NELL1: variants seen among roughly 807,000 people sequenced by gnomAD.
The protein encoded by NELL1 is neural EGFL like 1, also known as protein kinase C-binding protein NELL1.
NELL1 carries 76 observed loss-of-function variants against 107.4 expected under a neutral mutation model. That is an observed-to-expected ratio of 0.71 (90% CI 0.59 to 0.86). NELL1 has a LOEUF of 0.86. Ranked by LOEUF, NELL1 falls within the 40% of genes least tolerant of loss-of-function variation. NELL1 has a pLI of 0.00. For synonymous variants in NELL1, 353 were observed against 341.2 expected, an observed-to-expected ratio of 1.03 and a Z score of -0.38; for missense variants, 1,024 against 1,005.5, an observed-to-expected ratio of 1.02 and a Z score of -0.25.
intron 12 of NELL1, among the ~76,000 whole-genome samples, chr11:21,021,426 C>A (rs1021900532): frequency 1.3e-5 from 2 of 152,110 alleles, no homozygotes; most frequent in East Asian, 1.9e-4. Flanking sequence ...TTTCAAGGAA[C>A]TTTGGTTCCC....
chr11:21,246,567 A>G (rs566373263), intron 14 of NELL1, among the ~76,000 whole-genome samples: 1 of 152,310 alleles, frequency 6.6e-6, no homozygotes, highest in African/African-American at 2.4e-5. Flanking sequence ...GGTATAGCTT[A>G]CTACATACCT....
intron 5 of NELL1, among the ~76,000 whole-genome samples, chr11:20,898,364 G>T (rs1849796785): frequency 6.6e-6 from 1 of 151,896 alleles, no homozygotes; most frequent in Admixed American, 6.6e-5. Flanking sequence ...AGGGGGAATT[G>T]AACAATGACA....
chr11:20,722,210 G>A (rs949934435), intron 2 of NELL1, among the ~76,000 whole-genome samples: 3 of 151,890 alleles, frequency 2.0e-5, no homozygotes, highest in East Asian at 3.9e-4. Flanking sequence ...TAGTAGAGAC[G>A]TGATTTTGCT....
intron 13 of NELL1, among the ~76,000 whole-genome samples, chr11:21,117,674 T>G (rs1460901535): frequency 6.6e-6 from 1 of 152,014 alleles, no homozygotes. Context: ...TATTTTTTGC[T>G]TATGCTATTT....
intron 3 of NELL1, among the ~76,000 whole-genome samples, chr11:20,845,789 T>A (rs573680290): frequency 6.6e-6 from 1 of 152,160 alleles, no homozygotes. Context: ...CACCCTTTTT[T>A]TGGGGGGGCC....
At chr11:21,541,187 A>G (rs1856284522) in intron 16 of NELL1, among the ~76,000 whole-genome samples, 2 of 152,118 alleles carry the variant, frequency 1.3e-5, no homozygotes, top group African/African-American at 4.8e-5. Flanking sequence ...TGCTGGAGAC[A>G]CACTCCAAGA....
chr11:21,380,654 T>A (rs1050199660), intron 15 of NELL1, among the ~76,000 whole-genome samples: 1 of 152,008 alleles, frequency 6.6e-6, no homozygotes, highest in African/African-American at 2.4e-5. Context: ...TGAAGCTATT[T>A]CACAACCCTG....
intron 15 of NELL1, among the ~76,000 whole-genome samples, chr11:21,376,758 T>C (rs1440384089): frequency 6.6e-6 from 1 of 152,124 alleles, no homozygotes; most frequent in South Asian, 2.1e-4. Flanking sequence ...CTTGTAGAAG[T>C]ATTTCACCTC....
intron 5 of NELL1, among the ~76,000 whole-genome samples, chr11:20,907,793 A>C (rs1278475409): frequency 6.6e-6 from 1 of 152,180 alleles, no homozygotes; most frequent in Non-Finnish European, 1.5e-5. Context: ...AGTGGGAGAA[A>C]ATTTTTGCAG....
chr11:21,210,872 GTCT>G (rs1857483656), intron 13 of NELL1, among the ~76,000 whole-genome samples: 1 of 152,072 alleles, frequency 6.6e-6, no homozygotes, highest in African/African-American at 2.4e-5. Flanking sequence ...TTTCTGGGGG[GTCT>G]TAGTTCTTCT....
intron 14 of NELL1, chr11:21,284,598 G>A (rs1255861361): frequency 2.3e-6 from 1 of 441,622 alleles, no homozygotes; most frequent in Non-Finnish European, 4.6e-6. Flanking sequence ...TGATGTCATG[G>A]TAATGCTCAG....
chr11:20,731,911 C>T (rs1590242007), intron 2 of NELL1, among the ~76,000 whole-genome samples: 2 of 152,090 alleles, frequency 1.3e-5, no homozygotes, highest in Admixed American at 1.3e-4. Context: ...TTGGCTTTGT[C>T]CTCAGCTGTC....
At chr11:20,958,918 C>T (rs996732279) in intron 11 of NELL1, among the ~76,000 whole-genome samples, 4 of 152,128 alleles carry the variant, frequency 2.6e-5, no homozygotes, top group African/African-American at 7.2e-5. Context: ...CGGTTCCAGA[C>T]TATGGCCATT....
In NELL1 at chr11:21,234,760, G is replaced by A. The variant is rs551154844; in HGVS notation, c.1549+5306G>A. On this transcript the variant is annotated intron_variant, in intron 14 of 19. Coordinates refer to ENST00000357134, the MANE Select transcript of NELL1 (RefSeq NM_006157.5). ...ACTGTGTACAAGGAAAACACAGAAA[G>A]CCAGAAGCAGAAGGCCAGAGGTTTG... 1.0e-3 allele frequency among the ~76,000 whole-genome samples: 159 copies of A among 152,278 alleles called. 1 individual carries two copies. Among genetic ancestry groups the A allele is most frequent in the African/African-American group, 3.5e-3 (144 of 41,566 alleles).
intron 12 of NELL1, among the ~76,000 whole-genome samples, chr11:21,103,530 T>A (rs1289031247): frequency 1.3e-5 from 2 of 152,150 alleles, no homozygotes; most frequent in African/African-American, 2.4e-5. Flanking sequence ...CTTGTAAAGG[T>A]GAAATGAATT....
intron 4 of NELL1, among the ~76,000 whole-genome samples, chr11:20,851,891 C>T (rs1848801365): frequency 6.6e-6 from 1 of 152,166 alleles, no homozygotes; most frequent in African/African-American, 2.4e-5. Flanking sequence ...CAGACAGGAG[C>T]CCTGTAAGCA....
intron 14 of NELL1, among the ~76,000 whole-genome samples, chr11:21,257,784 A>T (rs1453663035): frequency 6.6e-6 from 1 of 152,006 alleles, no homozygotes; most frequent in Non-Finnish European, 1.5e-5. Context: ...TGGCCACCTG[A>T]ATGAGAGCTG....
chr11:21,490,351 T>A (rs1014710587), intron 15 of NELL1, among the ~76,000 whole-genome samples: 1 of 151,496 alleles, frequency 6.6e-6, no homozygotes, highest in Non-Finnish European at 1.5e-5. Flanking sequence ...ATTATTATAA[T>A]GGCCATACTG....
chr11:21,520,892 G>A (rs1428656929), intron 15 of NELL1, among the ~76,000 whole-genome samples: 1 of 152,156 alleles, frequency 6.6e-6, no homozygotes, highest in Non-Finnish European at 1.5e-5. Flanking sequence ...TCTCTCATTT[G>A]TTTCTAATTT....
Sources: gnomAD v4.1 joint callset for allele counts (sites outside exome capture counted in the v4.1 genomes callset) on GRCh38, gnomAD v4.1.1 for gene constraint, MANE v1.5 for transcripts, NCBI Gene and HGNC (gene_info 2026-07-23, HGNC 2026-07-21) for gene names.